TTBK2: variants seen among roughly 807,000 people sequenced by gnomAD.
TTBK2 encodes the protein tau tubulin kinase 2.
In TTBK2, 28 loss-of-function variants were observed where a neutral mutation model predicts 110.8. That is an observed-to-expected ratio of 0.25 (90% confidence interval 0.19 to 0.35). TTBK2 has a LOEUF of 0.35. Ranked by LOEUF, TTBK2 falls within the 10% of genes least tolerant of loss-of-function variation. TTBK2 has a pLI of 1.00. For missense variants in TTBK2, 1,369 were observed against 1,500.3 expected, an observed-to-expected ratio of 0.91 and a Z score of 1.45; for synonymous variants, 532 against 527.3, an observed-to-expected ratio of 1.01 and a Z score of -0.12.
chr15:42,810,360 T>C (rs867607005), intron 9 of TTBK2, among the ~76,000 whole-genome samples: 2 of 152,306 alleles, frequency 1.3e-5, no homozygotes, highest in African/African-American at 2.4e-5. Flanking sequence ...CATGCAGGAA[T>C]AGGAAAATCT....
At chr15:42,800,333 C>A in intron 9 of TTBK2, 1 of 432,306 alleles carries the variant, frequency 2.3e-6, no homozygotes, top group East Asian at 7.3e-5. Flanking sequence ...CTAAAATACC[C>A]TTATTCTTTA....
In TTBK2 at chr15:42,752,736, T is replaced by C. The variant is rs775057882; in HGVS notation, c.2510A>G (p.Gln837Arg). ...KTQTFSVVPN[Q>R]DKNNEIMKLL... Reference sequence around the variant, plus strand: ...CTTCATTATCTCATTATTTTTGTCTTGATTTGGCACCACACTAAAAGTCTG... The same window carrying C: ...CTTCATTATCTCATTATTTTTGTCTCGATTTGGCACCACACTAAAAGTCTG... The change falls in exon 14 of 15, where the codon CAA becomes CGA. Residue 837 changes from glutamine (Q) to arginine (R), a missense_variant. Physicochemically the swap from Gln to Arg is conservative, Grantham distance 43 (BLOSUM62 1). Coordinates refer to ENST00000267890, the MANE Select transcript of TTBK2 (RefSeq NM_173500.4). The C allele has an allele frequency of 6.2e-6, 10 of 1,614,098 alleles. No homozygotes were observed. The highest frequency in any genetic ancestry group is 8.5e-6 in the Non-Finnish European group (10 of 1,180,052).
rs2061871791 is a variant in TTBK2, at chr15:42,751,965, C to T, written c.3272+9G>A. ...ACACACTTAACACAGGGAGAGCACA[C>T]AGCATTACCTGGCTTCTACTCCAGG... On this transcript the variant is annotated intron_variant, in intron 14 of 14. Coordinates refer to ENST00000267890, the MANE Select transcript of TTBK2 (RefSeq NM_173500.4). The T allele has an allele frequency of 1.2e-6, 2 of 1,614,072 alleles. No homozygotes were observed. The highest frequency in any genetic ancestry group is 1.7e-6 in the Non-Finnish European group (2 of 1,180,012).
At chr15:42,827,379 G>A (rs11633093) in intron 6 of TTBK2, among the ~76,000 whole-genome samples, 1 of 152,070 alleles carries the variant, frequency 6.6e-6, no homozygotes, top group Non-Finnish European at 1.5e-5. Flanking sequence ...AAAATCATGA[G>A]GCATGCAAAG....
intron 9 of TTBK2, chr15:42,802,477 C>CA (rs2140900363): frequency 4.8e-6 from 3 of 624,038 alleles, no homozygotes; most frequent in Middle Eastern, 4.2e-4. Context: ...GGTCTGCACA[C>CA]AGTCTTTACT....
In TTBK2 at chr15:42,764,294, G is replaced by C. The variant is rs570842790; in HGVS notation, c.1998+10841C>G. Among the ~76,000 whole-genome samples the C allele has an allele frequency of 1.4e-3, 211 of 152,354 alleles. 2 individuals carry two copies. Among genetic ancestry groups the C allele is most frequent in the African/African-American group, 4.5e-3 (186 of 41,578 alleles). On this transcript the variant is annotated intron_variant, in intron 13 of 14. Coordinates refer to ENST00000267890, the MANE Select transcript of TTBK2 (RefSeq NM_173500.4). ...AGCCCATGGAGGGCAAGCTGAAGCA[G>C]GGCAGGGCATCGCCTCACCCGGGAA... is the stretch of plus-strand genomic sequence containing the variant.
chr15:42,801,275 G>A (rs2140894171), intron 9 of TTBK2: 10 of 1,604,810 alleles, frequency 6.2e-6, no homozygotes, highest in Non-Finnish European at 8.5e-6. Flanking sequence ...GGGCCAGCTT[G>A]ACGTTCATCA....
intron 14 of TTBK2, among the ~76,000 whole-genome samples, chr15:42,748,093 C>T (rs1006407906): frequency 2.0e-5 from 3 of 152,142 alleles, no homozygotes; most frequent in African/African-American, 7.2e-5. Context: ...ACCAAAGGCA[C>T]TACAACCCAA....
intron 10 of TTBK2, among the ~76,000 whole-genome samples, chr15:42,785,642 C>T (rs1316458172): frequency 2.6e-5 from 4 of 152,054 alleles, no homozygotes; most frequent in African/African-American, 2.4e-5. Context: ...GGTTGGTCAT[C>T]GCTCCCTTAG....
At chr15:42,870,889 C>G (rs991291879) in intron 3 of TTBK2, among the ~76,000 whole-genome samples, 4 of 151,746 alleles carry the variant, frequency 2.6e-5, no homozygotes, top group African/African-American at 9.7e-5. Context: ...CTTATCCCAG[C>G]TATCAAAAAT....
intron 3 of TTBK2, among the ~76,000 whole-genome samples, chr15:42,866,304 A>C (rs1894370668): frequency 6.6e-6 from 1 of 152,106 alleles, no homozygotes; most frequent in Admixed American, 6.5e-5. Flanking sequence ...TAATAATAAA[A>C]GAAGAGTATT....
intron 1 of TTBK2, among the ~76,000 whole-genome samples, chr15:42,904,478 C>G (rs745739900): frequency 6.6e-6 from 1 of 152,092 alleles, no homozygotes; most frequent in Non-Finnish European, 1.5e-5. Flanking sequence ...ATAAATTCCT[C>G]CTTGGTAATA....
intron 2 of TTBK2, among the ~76,000 whole-genome samples, chr15:42,876,891 T>A (rs1423139193): frequency 6.6e-6 from 1 of 152,118 alleles, no homozygotes; most frequent in Non-Finnish European, 1.5e-5. Context: ...AATAAGACAA[T>A]TTAAACATTT....
chr15:42,834,672 T>C (rs1892917890), intron 4 of TTBK2, among the ~76,000 whole-genome samples: 2 of 151,558 alleles, frequency 1.3e-5, no homozygotes, highest in Non-Finnish European at 2.9e-5. Flanking sequence ...ACTTTGGGGG[T>C]TTGAGATTAG....
rs1213081154 is a variant in TTBK2, at chr15:42,744,432, A to G, written c.*1363T>C. 2 of 152,466 alleles carry G rather than the reference A, an allele frequency of 1.3e-5. No homozygotes were observed. The highest frequency in any genetic ancestry group is 2.9e-5 in the Non-Finnish European group (2 of 68,022). 9.4% of individuals were successfully genotyped at this position (152,466 alleles called of 1,614,324 possible). ...TATGTTTGCTAGAAGGCAAATTTCA[A>G]CAGCAAGCAGACCAATTTACCTGAC... is the stretch of plus-strand genomic sequence containing the variant. On this transcript the variant is annotated 3_prime_UTR_variant, in exon 15 of 15. Transcript: ENST00000267890.
chr15:42,780,747 C>A (rs1055367898), intron 11 of TTBK2, among the ~76,000 whole-genome samples: 4 of 152,040 alleles, frequency 2.6e-5, no homozygotes, highest in African/African-American at 9.7e-5. Context: ...GGACAAATCA[C>A]CTCAGGTCAG....
chr15:42,813,570 C>T (rs141236913), intron 7 of TTBK2, among the ~76,000 whole-genome samples: 22 of 152,008 alleles, frequency 1.4e-4, no homozygotes, highest in Admixed American at 1.2e-3. Flanking sequence ...TAAGGCCGAG[C>T]GCAGTGGCTC....
rs1410555240 is a variant in TTBK2 at position 42,862,964 on chromosome 15, G to A, written c.217+9647C>T. Among the ~76,000 whole-genome samples the A allele has an allele frequency of 3.3e-5, 5 of 152,220 alleles. No homozygotes were observed. In the South Asian group the frequency reaches 1.0e-3, roughly 32 times the overall value. On this transcript the variant is annotated intron_variant, in intron 3 of 14. Coordinates refer to ENST00000267890, the MANE Select transcript of TTBK2 (RefSeq NM_173500.4). ...ACAAACCCACAGCCAACATCATACT[G>A]AATGGGTAAAAGCTAGAATCATTTC...
chr15:42,847,630 C>T (rs1893521026), intron 3 of TTBK2, among the ~76,000 whole-genome samples: 1 of 152,200 alleles, frequency 6.6e-6, no homozygotes, highest in Admixed American at 6.5e-5. Context: ...AGGTTCATTA[C>T]TTTTGTAAAA....
Sources: allele counts gnomAD v4.1 joint callset (sites outside exome capture counted in the v4.1 genomes callset), GRCh38; gene constraint gnomAD v4.1.1; transcripts MANE v1.5; gene names NCBI Gene and HGNC (gene_info 2026-07-23, HGNC 2026-07-21).